DPYD: variants seen among roughly 807,000 people sequenced by gnomAD.
DPYD encodes dihydropyrimidine dehydrogenase.
In DPYD, 109 loss-of-function variants were observed where a neutral mutation model predicts 116.2. That is an observed-to-expected ratio of 0.94 (90% CI 0.80 to 1.10). DPYD has a LOEUF of 1.10. Among genes scored for constraint, DPYD ranks in the 50% least tolerant of loss-of-function variants. The pLI is 0.00. For missense variants in DPYD, 1,302 were observed against 1,254.5 expected, an observed-to-expected ratio of 1.04 and a Z score of -0.57; for synonymous variants, 440 against 432.0, an observed-to-expected ratio of 1.02 and a Z score of -0.23.
At chr1:97,154,494 C>T (rs545367173) in intron 20 of DPYD, among the ~76,000 whole-genome samples, 3 of 152,100 alleles carry the variant, frequency 2.0e-5, no homozygotes, top group East Asian at 1.9e-4. Context: ...CAGTGGCTCA[C>T]GACTGTAATC....
At chr1:97,103,462 T>C (rs576354537) in intron 20 of DPYD, among the ~76,000 whole-genome samples, 1 of 152,236 alleles carries the variant, frequency 6.6e-6, no homozygotes, top group Admixed American at 6.5e-5. Flanking sequence ...ATATTACACG[T>C]TACCATAGTG....
intron 8 of DPYD, among the ~76,000 whole-genome samples, chr1:97,611,533 C>A (rs1655950764): frequency 6.6e-6 from 1 of 151,986 alleles, no homozygotes; most frequent in Non-Finnish European, 1.5e-5. Context: ...CAGGGGCAAT[C>A]CATGCAACTG....
intron 2 of DPYD, among the ~76,000 whole-genome samples, chr1:97,881,295 G>A (rs1038144071): frequency 1.1e-4 from 16 of 151,938 alleles, no homozygotes; most frequent in African/African-American, 3.9e-4. Context: ...AAAACTCAGG[G>A]AGAAGACACC....
intron 20 of DPYD, among the ~76,000 whole-genome samples, chr1:97,110,145 G>T (rs1357125882): frequency 6.6e-6 from 1 of 152,062 alleles, no homozygotes; most frequent in East Asian, 1.9e-4. Flanking sequence ...AAAAGATACT[G>T]AGGGAAGGAC....
chr1:97,661,650 A>C (rs1659264983), intron 8 of DPYD, among the ~76,000 whole-genome samples: 1 of 152,166 alleles, frequency 6.6e-6, no homozygotes, highest in Non-Finnish European at 1.5e-5. Context: ...AATTACAATA[A>C]ATATTGAAAT....
intron 1 of DPYD, among the ~76,000 whole-genome samples, chr1:97,916,204 C>T (rs1039385545): frequency 6.6e-6 from 1 of 152,014 alleles, no homozygotes; most frequent in Non-Finnish European, 1.5e-5. Flanking sequence ...TATTATTATA[C>T]TTTAAGTTTT....
intron 8 of DPYD, among the ~76,000 whole-genome samples, chr1:97,630,014 T>A (rs924729670): frequency 3.3e-5 from 5 of 152,064 alleles, no homozygotes; most frequent in Non-Finnish European, 7.4e-5. Context: ...GTCTGGATAA[T>A]CATCTAAGTT....
At chr1:97,224,593 T>C (rs934239337) in intron 19 of DPYD, among the ~76,000 whole-genome samples, 2 of 151,974 alleles carry the variant, frequency 1.3e-5, no homozygotes, top group Non-Finnish European at 2.9e-5. Flanking sequence ...TGTGCTGTGC[T>C]TTAGATCTCC....
intron 16 of DPYD, among the ~76,000 whole-genome samples, chr1:97,320,089 A>C (rs1178004159): frequency 3.7e-5 from 5 of 134,426 alleles, no homozygotes; most frequent in African/African-American, 5.5e-5. Flanking sequence ...ATTTCAAAAT[A>C]ATAAGAGCTA....
At chr1:97,494,111 T>C (rs745675379) in intron 13 of DPYD, among the ~76,000 whole-genome samples, 3 of 152,202 alleles carry the variant, frequency 2.0e-5, no homozygotes, top group Non-Finnish European at 4.4e-5. Flanking sequence ...ACAAATAATA[T>C]ATACACAATA....
chr1:97,358,593 C>T (rs942292141), intron 16 of DPYD, among the ~76,000 whole-genome samples: 21 of 152,046 alleles, frequency 1.4e-4, no homozygotes, highest in Non-Finnish European at 2.5e-4. Context: ...CCCTCTGGGA[C>T]GAAGCTTCCA....
At chr1:97,560,238 AGAGAATAATTCCTCAGAGTTACGT>A (rs1652044086) in intron 11 of DPYD, among the ~76,000 whole-genome samples, 1 of 152,206 alleles carries the variant, frequency 6.6e-6, no homozygotes, top group Non-Finnish European at 1.5e-5. Context: ...AACTAAAGCT[AGAGAATAATTCCTCAGAGTTACGT>A]GAGAATCAAA....
intron 10 of DPYD, among the ~76,000 whole-genome samples, chr1:97,584,967 TAAAGAAATAAAATA>T (rs1290489573): frequency 6.7e-6 from 1 of 149,280 alleles, no homozygotes; most frequent in Non-Finnish European, 1.5e-5. Flanking sequence ...ATAATAATAA[TAAAGAAATAAAATA>T]AAATGTGTAC....
At chr1:97,332,773 A>G (rs1374646901) in intron 16 of DPYD, among the ~76,000 whole-genome samples, 2 of 152,226 alleles carry the variant, frequency 1.3e-5, no homozygotes, top group African/African-American at 4.8e-5. Flanking sequence ...AAAACACAAA[A>G]GAGGCTGAAA....
intron 5 of DPYD, among the ~76,000 whole-genome samples, chr1:97,712,338 G>A (rs1662335015): frequency 6.6e-6 from 1 of 151,786 alleles, no homozygotes; most frequent in African/African-American, 2.4e-5. Flanking sequence ...CCTCTATCCA[G>A]CCCAAAACTG....
At chr1:97,759,857 A>G in intron 3 of DPYD, among the ~76,000 whole-genome samples, 1 of 152,208 alleles carries the variant, frequency 6.6e-6, no homozygotes, top group Non-Finnish European at 1.5e-5. Context: ...AATGTGATCC[A>G]TAACTTACAC....
intron 8 of DPYD, among the ~76,000 whole-genome samples, chr1:97,600,466 TC>T (rs1308171760): frequency 7.9e-5 from 12 of 152,310 alleles, no homozygotes; most frequent in Non-Finnish European, 1.3e-4. Context: ...GTTTATTAAA[TC>T]TTATAAAATA....
chr1:97,674,276 C>T (rs1471714186), intron 8 of DPYD, among the ~76,000 whole-genome samples: 3 of 152,182 alleles, frequency 2.0e-5, no homozygotes, highest in South Asian at 4.1e-4. Flanking sequence ...ATCTCTACAA[C>T]ACCTTCCTGT....
intron 7 of DPYD, among the ~76,000 whole-genome samples, chr1:97,684,377 G>A (rs971495124): frequency 6.6e-6 from 1 of 152,072 alleles, no homozygotes; most frequent in Non-Finnish European, 1.5e-5. Context: ...TAATTTGATT[G>A]TGCTGTGGCC....
Sources: allele counts gnomAD v4.1 joint callset (sites outside exome capture counted in the v4.1 genomes callset), GRCh38; gene constraint gnomAD v4.1.1; transcripts MANE v1.5; gene names NCBI Gene and HGNC (gene_info 2026-07-23, HGNC 2026-07-21).